Variants in NPNT observed in about 807,000 individuals in gnomAD.
The protein encoded by NPNT is nephronectin.
A neutral mutation model predicts 68.6 loss-of-function variants in NPNT; 45 were observed. The ratio of observed to expected loss-of-function variants is 0.66; its 90% CI spans 0.52 to 0.84. The LOEUF (loss-of-function observed/expected upper bound fraction) is 0.84, where lower values mean the gene tolerates loss of function less well. NPNT is among the 40% of genes least tolerant of loss of function. The pLI is 0.00. For synonymous variants in NPNT, 233 were observed against 253.3 expected, an observed-to-expected ratio of 0.92 and a Z score of 0.76; for missense variants, 672 against 714.8, an observed-to-expected ratio of 0.94 and a Z score of 0.68.
intron 11 of NPNT, among the ~76,000 whole-genome samples, chr4:105,967,844 C>T (rs1278169365): frequency 6.6e-6 from 1 of 151,970 alleles, no homozygotes; most frequent in Non-Finnish European, 1.5e-5. Context: ...CCATAAATTA[C>T]CCAGGAGATG....
intron 10 of NPNT, among the ~76,000 whole-genome samples, chr4:105,963,711 CTCTG>C (rs1731910913): frequency 6.6e-6 from 1 of 151,108 alleles, no homozygotes; most frequent in Non-Finnish European, 1.5e-5. Flanking sequence ...TGACTCAGCA[CTCTG>C]TCTGCCACTG....
chr4:105,963,511 G>C (rs1731894685), intron 10 of NPNT, among the ~76,000 whole-genome samples: 1 of 152,118 alleles, frequency 6.6e-6, no homozygotes, highest in African/African-American at 2.4e-5. Context: ...ATCACATTCA[G>C]TCACAGTGAG....
chr4:105,941,318 C>T (rs1729934656), intron 7 of NPNT, among the ~76,000 whole-genome samples: 1 of 152,020 alleles, frequency 6.6e-6, no homozygotes, highest in African/African-American at 2.4e-5. Context: ...CCACTGCACT[C>T]CAGCTTGGGC....
intron 2 of NPNT, among the ~76,000 whole-genome samples, chr4:105,917,966 C>T (rs938081672): frequency 6.6e-6 from 1 of 152,074 alleles, no homozygotes; most frequent in Non-Finnish European, 1.5e-5. Context: ...AGCAGAATGG[C>T]ATGCTGAAAT....
chr4:105,911,007 AACG>A (rs1362922556), intron 2 of NPNT, among the ~76,000 whole-genome samples: 1 of 152,136 alleles, frequency 6.6e-6, no homozygotes, highest in African/African-American at 2.4e-5. Flanking sequence ...ATATTAAAGA[AACG>A]GTATCCTTTT....
intron 5 of NPNT, 146 bp downstream of exon 5, chr4:105,938,566 AG>A (rs575309665): frequency 4.5e-5 from 37 of 829,060 alleles, no homozygotes; most frequent in Non-Finnish European, 6.4e-5. Context: ...GTCTCAGAAG[AG>A]GACATCTCTG....
chr4:105,948,725 A>G (rs4380530), intron 8 of NPNT, among the ~76,000 whole-genome samples: 132,059 of 152,104 alleles, frequency 0.87, 57,932 homozygotes, highest in East Asian at 1. Context: ...GGCTCAAGCA[A>G]TCCTCCTGCC....
At chr4:105,896,858 T>TAAAAGAAAAGGGGAATTGA (rs1425130345) in intron 1 of NPNT, among the ~76,000 whole-genome samples, 1 of 151,984 alleles carries the variant, frequency 6.6e-6, no homozygotes, top group South Asian at 2.1e-4. Context: ...GAAAGGCAGG[T>TAAAAGAAAAGGGGAATTGA]AAAAGAAAAG....
chr4:105,956,569 T>A (rs1731243034), intron 8 of NPNT, among the ~76,000 whole-genome samples: 1 of 152,172 alleles, frequency 6.6e-6, no homozygotes, highest in African/African-American at 2.4e-5. Flanking sequence ...GGAGATGATT[T>A]ATATAAGTTA....
At chr4:105,944,955 T>C (rs1444438115) in intron 8 of NPNT, among the ~76,000 whole-genome samples, 2 of 152,220 alleles carry the variant, frequency 1.3e-5, no homozygotes, top group Admixed American at 6.5e-5. Context: ...TTCAACACCA[T>C]TTCTTTACTG....
intron 3 of NPNT, among the ~76,000 whole-genome samples, chr4:105,935,779 T>A (rs543919996): frequency 6.6e-6 from 1 of 152,130 alleles, no homozygotes; most frequent in Non-Finnish European, 1.5e-5. Context: ...GATATGAAAA[T>A]TTTTTTAGAT....
chr4:105,931,745 C>T (rs1456378600), intron 3 of NPNT, among the ~76,000 whole-genome samples: 5 of 150,568 alleles, frequency 3.3e-5, no homozygotes, highest in East Asian at 1.9e-4. Context: ...GAGGCTGTGG[C>T]AGGAGAATGG....
At chr4:105,922,041 A>T (rs1191066655) in intron 2 of NPNT, among the ~76,000 whole-genome samples, 1 of 152,216 alleles carries the variant, frequency 6.6e-6, no homozygotes, top group Non-Finnish European at 1.5e-5. Flanking sequence ...CCATGTCTGC[A>T]TAATAACATG....
At chr4:105,927,637 T>A in intron 3 of NPNT, 2 of 293,144 alleles carry the variant, frequency 6.8e-6, no homozygotes, top group Non-Finnish European at 1.3e-5. Context: ...CCTCTTATTC[T>A]CTGATACTAA....
At chr4:105,897,824 C>G in intron 1 of NPNT, 77 bp from the exon 2 acceptor site, 1 of 1,182,276 alleles carries the variant, frequency 8.5e-7, no homozygotes, top group Non-Finnish European at 1.2e-6. Flanking sequence ...GACATTTTTT[C>G]TGAAGTAATA....
intron 2 of NPNT, among the ~76,000 whole-genome samples, chr4:105,904,011 T>C (rs573869659): frequency 5.5e-4 from 84 of 152,112 alleles, no homozygotes; most frequent in Non-Finnish European, 1.0e-3. Context: ...TCTCCAGCTC[T>C]GAGCTCAACT....
intron 3 of NPNT, among the ~76,000 whole-genome samples, chr4:105,935,292 C>A (rs182982681): frequency 6.6e-6 from 1 of 152,196 alleles, no homozygotes; most frequent in African/African-American, 2.4e-5. Context: ...TCTCTAACAC[C>A]ATATTTGGTT....
chr4:105,940,917 C>T (rs1286999420), intron 7 of NPNT, among the ~76,000 whole-genome samples: 1 of 152,068 alleles, frequency 6.6e-6, no homozygotes, highest in Non-Finnish European at 1.5e-5. Context: ...TGAGTCCTCC[C>T]TGAGAATTTG....
intron 8 of NPNT, among the ~76,000 whole-genome samples, chr4:105,956,616 G>A (rs914434086): frequency 4.6e-5 from 7 of 152,090 alleles, no homozygotes; most frequent in Admixed American, 4.6e-4. Context: ...ATTGTTCTAT[G>A]GAGTTTTTAT....
Sources: gnomAD v4.1 joint callset for allele counts (sites outside exome capture counted in the v4.1 genomes callset) on GRCh38, gnomAD v4.1.1 for gene constraint, MANE v1.5 for transcripts, NCBI Gene and HGNC (gene_info 2026-07-23, HGNC 2026-07-21) for gene names.